NAV1: variants seen among roughly 807,000 people sequenced by gnomAD.
NAV1 encodes neuron navigator 1.
A neutral mutation model predicts 175.2 loss-of-function variants in NAV1; 18 were observed. The ratio of observed to expected loss-of-function variants is 0.10; its 90% CI spans 0.07 to 0.15. The LOEUF is 0.15. Ranked by LOEUF, NAV1 falls within the 10% of genes least tolerant of loss-of-function variation. The pLI, the probability that NAV1 is intolerant of heterozygous loss-of-function variation, is 1.00. For missense variants in NAV1, 1,731 were observed against 2,436.6 expected (o/e 0.71, Z 6.10); for synonymous variants, 897 against 978.7 (o/e 0.92, Z 1.56).
intron 1 of NAV1, among the ~76,000 whole-genome samples, chr1:201,586,208 C>T (rs929484617): frequency 2.8e-5 from 4 of 145,044 alleles, no homozygotes; most frequent in African/African-American, 7.7e-5. Context: ...AAACCAGCCA[C>T]AGAAAGAGAC....
At chr1:201,583,621 G>A (rs1666934247) in intron 1 of NAV1, among the ~76,000 whole-genome samples, 1 of 152,178 alleles carries the variant, frequency 6.6e-6, no homozygotes, top group South Asian at 2.1e-4. Context: ...GGGTGTCCTT[G>A]GGCAAACAAT....
intron 3 of NAV1, among the ~76,000 whole-genome samples, chr1:201,775,510 T>C (rs1383161560): frequency 1.3e-5 from 2 of 152,142 alleles, no homozygotes; most frequent in Non-Finnish European, 2.9e-5. Context: ...TAACTTATAA[T>C]GAGTGTCCCA....
intron 1 of NAV1, among the ~76,000 whole-genome samples, chr1:201,680,822 G>A (rs1670437257): frequency 6.6e-6 from 1 of 152,182 alleles, no homozygotes; most frequent in African/African-American, 2.4e-5. Context: ...AGAGAAAGGA[G>A]AATGGTGGGC....
intron 3 of NAV1, among the ~76,000 whole-genome samples, chr1:201,742,494 C>T (rs565877802): frequency 9.9e-5 from 15 of 152,254 alleles, no homozygotes; most frequent in South Asian, 4.2e-4. Context: ...ACTGTTCTTG[C>T]GTATCTCAAA....
intron 1 of NAV1, among the ~76,000 whole-genome samples, chr1:201,625,272 T>C (rs1668297294): frequency 2.0e-5 from 3 of 152,326 alleles, no homozygotes; most frequent in East Asian, 1.9e-4. Context: ...AGGGCTGTCA[T>C]GTTGTAAGAT....
Position 201,699,745 on chromosome 1 carries a change from G to A in NAV1, c.758-13072G>A, listed in dbSNP as rs1413273705. On this transcript the variant is annotated intron_variant, in intron 1 of 29. Transcript: ENST00000367296. ...ATGGTGCTGGTACCAAAACAGAGAT[G>A]TAGACCAATGGAACAGAACAGAGGC... Among the ~76,000 whole-genome samples, 27 of 152,228 alleles carry A rather than the reference G, an allele frequency of 1.8e-4. 1 individual carries two copies. The highest frequency in any genetic ancestry group is 3.4e-3 in the Middle Eastern group (1 of 294).
intron 3 of NAV1, chr1:201,723,877 T>C (rs1221704587): frequency 6.6e-6 from 1 of 152,232 alleles, no homozygotes; most frequent in Non-Finnish European, 1.5e-5. Context: ...CTGGGAAAAA[T>C]AGAATAAGGG....
chr1:201,761,969 A>G (rs1281893731), intron 3 of NAV1, among the ~76,000 whole-genome samples: 1 of 152,118 alleles, frequency 6.6e-6, no homozygotes, highest in African/African-American at 2.4e-5. Flanking sequence ...CCTAGGCGAC[A>G]TAGTGAGAAC....
intron 1 of NAV1, among the ~76,000 whole-genome samples, chr1:201,578,170 C>T (rs1300835822): frequency 3.9e-5 from 6 of 152,106 alleles, no homozygotes; most frequent in Non-Finnish European, 8.8e-5. Context: ...AGAATCTGCT[C>T]TGCTTTTTGT....
exon 7 of NAV1, chr1:201,783,626 C>T (rs143690697): frequency 6.2e-7 from 1 of 1,614,182 alleles, no homozygotes; most frequent in Non-Finnish European, 8.5e-7. Flanking sequence ...CTCCCAGGGC[C>T]TGGAGCTAAT....
In NAV1 at chr1:201,811,453, C is replaced by T. The variant is rs1009291335; in HGVS notation, c.4798-150C>T. On this transcript the variant is annotated intron_variant, in intron 24 of 29. Transcript: ENST00000367296. ...GAGCCTTTGCAACCACTGCTTATCA[C>T]TCTGTGGTAATCTGCTGTAATCAAA... 88 of 925,022 alleles carry T rather than the reference C, an allele frequency of 9.5e-5. No homozygotes were observed. In the African/African-American group the frequency reaches 1.4e-3, roughly 15 times the overall value. The allele number at this position is 925,022 out of a possible 1,614,324, so 57.3% of individuals were successfully genotyped here.
At chr1:201,610,328 A>G (rs1242873315) in intron 2 of NAV1, among the ~76,000 whole-genome samples, 4 of 152,250 alleles carry the variant, frequency 2.6e-5, no homozygotes, top group African/African-American at 9.6e-5. Flanking sequence ...CTGAAACAGC[A>G]CAAGTCTTCA....
At chr1:201,593,483 G>A (rs1481024548) in intron 2 of NAV1, among the ~76,000 whole-genome samples, 6 of 152,340 alleles carry the variant, frequency 3.9e-5, no homozygotes, top group Middle Eastern at 6.8e-3. Context: ...GTCTGGCCCT[G>A]GGGCAGCAGT....
upstream of NAV1, chr1:201,648,205 G>A (rs1280714421): frequency 4.0e-6 from 4 of 998,556 alleles, no homozygotes; most frequent in African/African-American, 6.9e-5. Context: ...CGGGCTGGCT[G>A]GCTGGCTGAG....
chr1:201,783,530 G>A (rs775019930), exon 7 of NAV1: 4 of 1,614,174 alleles, frequency 2.5e-6, no homozygotes, highest in South Asian at 1.1e-5. Context: ...AGATCTGCAT[G>A]CTACAAGCTC....
At chr1:201,617,077 A>G (rs1289070899) in intron 2 of NAV1, among the ~76,000 whole-genome samples, 1 of 152,162 alleles carries the variant, frequency 6.6e-6, no homozygotes, top group Non-Finnish European at 1.5e-5. Flanking sequence ...GAGGGAACTA[A>G]AGAGCACTGA....
intron 3 of NAV1, among the ~76,000 whole-genome samples, chr1:201,721,004 C>G (rs986687303): frequency 3.3e-5 from 5 of 151,948 alleles, no homozygotes; most frequent in Non-Finnish European, 7.4e-5. Flanking sequence ...CCCCCTTTAT[C>G]CCCCCTCTAA....
chr1:201,639,904 C>G (rs1668703345), intron 2 of NAV1, among the ~76,000 whole-genome samples: 1 of 152,198 alleles, frequency 6.6e-6, no homozygotes, highest in Non-Finnish European at 1.5e-5. Flanking sequence ...CCGACCCTGT[C>G]CTTTCACACG....
intron 1 of NAV1, among the ~76,000 whole-genome samples, chr1:201,689,376 G>T (rs1375932085): frequency 6.6e-6 from 1 of 152,178 alleles, no homozygotes; most frequent in African/African-American, 2.4e-5. Flanking sequence ...GGTGGGACAG[G>T]ATATATTCTC....
Sources: gnomAD v4.1 joint callset for allele counts (sites outside exome capture counted in the v4.1 genomes callset) on GRCh38, gnomAD v4.1.1 for gene constraint, MANE v1.5 for transcripts, NCBI Gene and HGNC (gene_info 2026-07-23, HGNC 2026-07-21) for gene names.